USP53: variants seen among roughly 807,000 people sequenced by gnomAD.
USP53 encodes the protein ubiquitin specific peptidase 53.
A neutral mutation model predicts 94.9 loss-of-function variants in USP53; 71 were observed. The ratio of observed to expected loss-of-function variants is 0.75; its 90% CI spans 0.62 to 0.91. The LOEUF (loss-of-function observed/expected upper bound fraction) is 0.91, where lower values mean the gene tolerates loss of function less well. USP53 is among the 40% of genes least tolerant of loss of function. USP53 has a pLI of 0.00. For missense variants in USP53, 1,173 were observed against 1,281.0 expected, an observed-to-expected ratio of 0.92 and a Z score of 1.29; for synonymous variants, 375 against 422.7, an observed-to-expected ratio of 0.89 and a Z score of 1.39.
intron 12 of USP53, 40 bp downstream of exon 12, chr4:119,261,904 T>A (rs1056738015): frequency 3.6e-6 from 5 of 1,393,622 alleles, no homozygotes; most frequent in Middle Eastern, 2.1e-4. Flanking sequence ...TTACTGTGAT[T>A]TTTACTTTTT....
chr4:119,256,154 T>C (rs1749737380), intron 7 of USP53, 92 bp from the exon 8 acceptor site: 2 of 864,596 alleles, frequency 2.3e-6, no homozygotes, highest in Non-Finnish European at 3.5e-6. Context: ...CTCTTAAATT[T>C]ATACTTTGGA....
Position 119,293,435 on chromosome 4 carries a change from G to A in USP53, c.*224G>A, listed in dbSNP as rs139713098. The A allele has an allele frequency of 1.5e-3, 760 of 503,260 alleles. No individual in the cohort carries two copies. The highest frequency in any genetic ancestry group is 2.1e-3 in the Non-Finnish European group (590 of 286,348). The allele number at this position is 503,260 out of a possible 1,614,324, so 31.2% of individuals were successfully genotyped here. A position where few individuals can be genotyped will look rare whatever the true frequency, so the allele number is the denominator to read the frequency against. The stretch of plus-strand genomic sequence containing the variant: ...TAAAGTTGTTAATCACTATACATAT[G>A]TATGTGTATATGTGTATACACATAT... On this transcript the variant is annotated 3_prime_UTR_variant, in exon 19 of 19. Coordinates refer to ENST00000692078, the MANE Select transcript of USP53 (RefSeq NM_001371395.1).
Position 119,228,013 on chromosome 4 carries a change from C to A in USP53, c.-664-7277C>A, listed in dbSNP as rs554286430. Among the ~76,000 whole-genome samples, 54 of 152,270 alleles carry A rather than the reference C, an allele frequency of 3.5e-4. 1 individual carries two copies. The highest frequency in any genetic ancestry group is 1.2e-3 in the African/African-American group (51 of 41,562). ...CAGAAAGTGTATCAGTGTTTTCTTG[C>A]AGGTTGAATGTATTAATTTTCTATT... On this transcript the variant is annotated intron_variant, in intron 3 of 18. Coordinates refer to ENST00000692078, the MANE Select transcript of USP53 (RefSeq NM_001371395.1).
At chr4:119,248,704 T>C (rs1394814226) in intron 6 of USP53, 44 bp from the exon 7 acceptor site, 1 of 1,588,452 alleles carries the variant, frequency 6.3e-7, no homozygotes, top group African/African-American at 1.4e-5. Context: ...TGAAATGTCG[T>C]TAAAGCTGGC....
At chr4:119,233,610 A>G (rs1196115919) in intron 3 of USP53, among the ~76,000 whole-genome samples, 1 of 152,080 alleles carries the variant, frequency 6.6e-6, no homozygotes, top group African/African-American at 2.4e-5. Context: ...TTCTTGCCCT[A>G]TATTCAATTT....
chr4:119,265,401 A>G (rs983760263), intron 12 of USP53, among the ~76,000 whole-genome samples: 4 of 152,144 alleles, frequency 2.6e-5, no homozygotes, highest in African/African-American at 7.2e-5. Flanking sequence ...AAATTGTTCA[A>G]AATTTGGAGG....
At chr4:119,257,437 CT>C (rs1211762087) in intron 9 of USP53, among the ~76,000 whole-genome samples, 1 of 152,170 alleles carries the variant, frequency 6.6e-6, no homozygotes, top group African/African-American at 2.4e-5. Context: ...AAGATTACGT[CT>C]CACAAAACAG....
chr4:119,246,377 C>T (rs547356189), intron 6 of USP53, among the ~76,000 whole-genome samples: 2 of 152,278 alleles, frequency 1.3e-5, no homozygotes, highest in Admixed American at 6.5e-5. Flanking sequence ...GGTGGCCATG[C>T]GGCAAGACCA....
chr4:119,250,881 A>C (rs1748886963), intron 7 of USP53, among the ~76,000 whole-genome samples: 1 of 149,506 alleles, frequency 6.7e-6, no homozygotes, highest in Non-Finnish European at 1.5e-5. Flanking sequence ...TTATTTATAC[A>C]GACTACCTAG....
rs199820807 is a variant in USP53 at position 119,239,894 on chromosome 4, C to T, written c.135C>T (p.Ser45=). ...GACAAAACAGCTGCTTTCTTAATAGCGCTGTACAGGTGAGACCATAATTAC... is the reference window on the plus strand; with the variant it reads ...GACAAAACAGCTGCTTTCTTAATAGTGCTGTACAGGTGAGACCATAATTAC... The part of the protein sequence containing the change: ...EPGQNSCFLN[S]AVQVLWQLDI... The change falls in exon 5 of 19, where the codon AGC becomes AGT. Residue 45 remains serine, a synonymous_variant. Coordinates refer to ENST00000692078, the MANE Select transcript of USP53 (RefSeq NM_001371395.1). The T allele has an allele frequency of 2.1e-5, 34 of 1,591,140 alleles. No homozygotes were observed. The highest frequency in any genetic ancestry group is 1.6e-4 in the African/African-American group (12 of 74,004).
chr4:119,250,010 C>A (rs1490989627), intron 7 of USP53, among the ~76,000 whole-genome samples: 2 of 152,152 alleles, frequency 1.3e-5, no homozygotes, highest in East Asian at 3.9e-4. Context: ...TGATTTTATT[C>A]AGGTTAACGC....
chr4:119,218,657 G>T (rs1460134922), intron 3 of USP53: 3 of 152,040 alleles, frequency 2.0e-5, no homozygotes, highest in African/African-American at 7.2e-5. Context: ...ACACATCAAA[G>T]AATATTTATT....
chr4:119,281,430 C>A (rs538111381), intron 17 of USP53, among the ~76,000 whole-genome samples: 5 of 152,126 alleles, frequency 3.3e-5, no homozygotes, highest in African/African-American at 1.2e-4. Flanking sequence ...AGTTTGCAGA[C>A]AAAGAATGTG....
chr4:119,263,040 G>A (rs1337918658), intron 12 of USP53, among the ~76,000 whole-genome samples: 3 of 152,148 alleles, frequency 2.0e-5, no homozygotes, highest in Non-Finnish European at 1.5e-5. Context: ...GTTGTTATAA[G>A]CAAATGATGT....
chr4:119,247,138 T>C lies in USP53; in HGVS notation c.238-1610T>C, dbSNP rs1340084055. Among the ~76,000 whole-genome samples the C allele has an allele frequency of 3.3e-5, 5 of 152,172 alleles. No individual in the cohort carries two copies. In the East Asian group the frequency reaches 7.7e-4, roughly 23 times the overall value. On this transcript the variant is annotated intron_variant, in intron 6 of 18. Coordinates refer to ENST00000692078, the MANE Select transcript of USP53 (RefSeq NM_001371395.1). ...CATTTTATTTATTCCACAGTAAATT[T>C]TGAATGTTTTGTCTAATTGTAAAAC... is the stretch of plus-strand genomic sequence containing the variant.
chr4:119,264,936 G>A (rs1750928190), intron 12 of USP53, among the ~76,000 whole-genome samples: 1 of 152,196 alleles, frequency 6.6e-6, no homozygotes, highest in Non-Finnish European at 1.5e-5. Context: ...TTGTGGTATA[G>A]CTATACAGTG....
At chr4:119,234,792 G>T (rs1746513677) in intron 3 of USP53, among the ~76,000 whole-genome samples, 1 of 152,298 alleles carries the variant, frequency 6.6e-6, no homozygotes, top group East Asian at 1.9e-4. Context: ...ATCCCTCAGT[G>T]GATTGGTTCC....
intron 6 of USP53, among the ~76,000 whole-genome samples, chr4:119,245,752 G>A (rs1290899931): frequency 1.3e-5 from 2 of 152,140 alleles, no homozygotes; most frequent in African/African-American, 2.4e-5. Flanking sequence ...AGTTACTGAG[G>A]ATACAGCAGT....
At chr4:119,235,588 G>A (rs754798660) in intron 4 of USP53, among the ~76,000 whole-genome samples, 177 bp downstream of exon 4, 95 of 152,144 alleles carry the variant, frequency 6.2e-4, no homozygotes, top group South Asian at 1.2e-3. Context: ...ATCACCCAGA[G>A]TTTAAAGCCA....
Sources: gnomAD v4.1 joint callset for allele counts (sites outside exome capture counted in the v4.1 genomes callset) on GRCh38, gnomAD v4.1.1 for gene constraint, MANE v1.5 for transcripts, NCBI Gene and HGNC (gene_info 2026-07-23, HGNC 2026-07-21) for gene names.